Variants in HYDIN observed in about 807,000 individuals in gnomAD.
The protein encoded by HYDIN is HYDIN axonemal central pair apparatus protein, also known as axonemal central pair apparatus protein HYDIN.
A neutral mutation model predicts 403.9 loss-of-function variants in HYDIN; 132 were observed. That is an observed-to-expected ratio of 0.33 (90% CI 0.28 to 0.38). The LOEUF is 0.38. Among genes scored for constraint, HYDIN ranks in the 10% least tolerant of loss-of-function variants. The probability of loss-of-function intolerance (pLI) is 1.00; values close to 1 mark genes in which losing one functional copy is unlikely to be tolerated. For synonymous variants in HYDIN, 1,202 were observed against 1,891.7 expected (o/e 0.64, Z 9.46); for missense variants, 2,827 against 5,009.5 (o/e 0.56, Z 13.15).
intron 1 of HYDIN, among the ~76,000 whole-genome samples, chr16:71,199,046 T>A (rs1056571542): frequency 6.6e-6 from 1 of 152,194 alleles, no homozygotes; most frequent in African/African-American, 2.4e-5. Context: ...TGATAGCTCA[T>A]TGTGGTTTTA....
chr16:70,919,326 A>G (rs1308904388), intron 46 of HYDIN, among the ~76,000 whole-genome samples: 1 of 152,174 alleles, frequency 6.6e-6, no homozygotes, highest in Non-Finnish European at 1.5e-5. Flanking sequence ...TTAAAAAAAA[A>G]CATTTCCAGG....
At chr16:70,946,713 G>A (rs2077874290) in intron 41 of HYDIN, among the ~76,000 whole-genome samples, 1 of 152,174 alleles carries the variant, frequency 6.6e-6, no homozygotes, top group African/African-American at 2.4e-5. Context: ...TGAGAAGATG[G>A]CTGTGGGAAA....
intron 80 of HYDIN, 144 bp downstream of exon 80, chr16:70,832,704 A>C (rs1383071965): frequency 3.2e-6 from 2 of 615,676 alleles, no homozygotes; most frequent in African/African-American, 1.8e-5. Flanking sequence ...AAGAGGGGAG[A>C]ATGAATATTC....
At chr16:71,190,933 T>C (rs2087404648) in intron 1 of HYDIN, among the ~76,000 whole-genome samples, 1 of 151,758 alleles carries the variant, frequency 6.6e-6, no homozygotes, top group Admixed American at 6.6e-5. Context: ...TATAGGAAAA[T>C]GACTCAGTTT....
At chr16:71,004,124 G>A (rs986948752) in intron 23 of HYDIN, among the ~76,000 whole-genome samples, 2 of 151,788 alleles carry the variant, frequency 1.3e-5, no homozygotes, top group African/African-American at 4.8e-5. Flanking sequence ...GGACCAGCCT[G>A]ACCAACATGG....
intron 75 of HYDIN, among the ~76,000 whole-genome samples, chr16:70,842,188 A>T (rs2037873357): frequency 6.6e-6 from 1 of 151,136 alleles, no homozygotes; most frequent in Non-Finnish European, 1.5e-5. Flanking sequence ...TGTTCTGTAT[A>T]TGTCTGTTAG....
chr16:70,848,340 A>G (rs1044311387), intron 75 of HYDIN, among the ~76,000 whole-genome samples: 2 of 152,058 alleles, frequency 1.3e-5, no homozygotes, highest in Non-Finnish European at 2.9e-5. Context: ...CCTCAGAGAC[A>G]ACTTCTATTC....
In HYDIN at chr16:70,833,926, C is replaced by T. The variant is rs769787964; in HGVS notation, c.13640G>A (p.Arg4547His). 17 of 1,613,670 alleles carry T rather than the reference C, an allele frequency of 1.1e-5. No individual in the cohort carries two copies. The highest frequency in any genetic ancestry group is 3.3e-5 in the Admixed American group (2 of 60,004). ...GCCTGTGTTCATCATGAGGATGCGA[C>T]GTGTGGCTTGCGTCTGATACACCAC... ...GPVVYQTQAT[R>H]RILMMNTGDV... The change falls in exon 79 of 86, where the codon CGT (arginine) becomes CAT (histidine). Residue 4547 changes from arginine (R) to histidine (H), a missense_variant. Coordinates refer to ENST00000393567, the MANE Select transcript of HYDIN (RefSeq NM_001270974.2).
intron 85 of HYDIN, 25 bp from the exon 86 acceptor site, chr16:70,808,087 G>A: frequency 6.3e-7 from 1 of 1,575,522 alleles, no homozygotes; most frequent in South Asian, 1.2e-5. Flanking sequence ...AACAAACTCA[G>A]CTCACGTGAG....
intron 14 of HYDIN, among the ~76,000 whole-genome samples, chr16:71,067,961 C>T (rs187495411): frequency 6.6e-6 from 1 of 152,142 alleles, no homozygotes; most frequent in East Asian, 1.9e-4. Flanking sequence ...CATGGTCAAA[C>T]CATAAACAGA....
intron 13 of HYDIN, among the ~76,000 whole-genome samples, chr16:71,074,707 CA>C (rs59315287): frequency 4.8e-3 from 410 of 86,190 alleles, no homozygotes; most frequent in South Asian, 0.011. Context: ...CAAAAAACAC[CA>C]AAAAAAAAAA....
intron 1 of HYDIN, among the ~76,000 whole-genome samples, chr16:71,219,076 A>AT (rs2089048624): frequency 6.6e-6 from 1 of 152,128 alleles, no homozygotes; most frequent in African/African-American, 2.4e-5. Context: ...TTAATTAGGG[A>AT]TTTTTTCAAA....
intron 27 of HYDIN, among the ~76,000 whole-genome samples, chr16:70,986,524 A>G (rs1477874549): frequency 6.6e-6 from 1 of 152,222 alleles, no homozygotes; most frequent in East Asian, 1.9e-4. Flanking sequence ...ATCTATAAAC[A>G]CACATGCATG....
At chr16:71,008,222 C>T (rs570107357) in intron 23 of HYDIN, among the ~76,000 whole-genome samples, 3,181 of 151,006 alleles carry the variant, frequency 0.021, 50 homozygotes, top group Non-Finnish European at 0.033. Flanking sequence ...GGATCCATAC[C>T]CCAAACTTTA....
At chr16:71,071,039 C>T (rs2082452615) in intron 13 of HYDIN, among the ~76,000 whole-genome samples, 1 of 151,600 alleles carries the variant, frequency 6.6e-6, no homozygotes, top group African/African-American at 2.4e-5. Context: ...CACAATCATG[C>T]TACATGTGAC....
At chr16:70,994,051 T>C (rs1410061913) in intron 23 of HYDIN, among the ~76,000 whole-genome samples, 2 of 152,136 alleles carry the variant, frequency 1.3e-5, no homozygotes, top group East Asian at 3.9e-4. Flanking sequence ...AAAAAATCAA[T>C]GTAATTATTT....
At chr16:71,027,076 G>C in intron 20 of HYDIN, 2 of 917,746 alleles carry the variant, frequency 2.2e-6, no homozygotes, top group Non-Finnish European at 2.6e-6. Flanking sequence ...AGAGTGTATG[G>C]AGATCATGTA....
chr16:71,183,687 A>T (rs1158835631), intron 3 of HYDIN, among the ~76,000 whole-genome samples: 1 of 152,190 alleles, frequency 6.6e-6, no homozygotes, highest in African/African-American at 2.4e-5. Context: ...AAGGCAAGAC[A>T]CAAATATTAT....
chr16:70,955,085 G>A (rs1435668089), intron 40 of HYDIN, among the ~76,000 whole-genome samples: 2 of 152,210 alleles, frequency 1.3e-5, no homozygotes, highest in Non-Finnish European at 2.9e-5. Flanking sequence ...CTGAGTGACC[G>A]CATGTCTGCT....
Sources: allele counts gnomAD v4.1 joint callset (sites outside exome capture counted in the v4.1 genomes callset), GRCh38; gene constraint gnomAD v4.1.1; transcripts MANE v1.5; gene names NCBI Gene and HGNC (gene_info 2026-07-23, HGNC 2026-07-21).